Variants in LRRC39 observed in about 807,000 individuals in gnomAD.
The protein encoded by LRRC39 is leucine-rich repeat-containing protein 39.
In LRRC39, 35 loss-of-function variants were observed where a neutral mutation model predicts 39.7. The observed-to-expected ratio is 0.88, with a 90% CI of 0.67 to 1.17. The LOEUF (loss-of-function observed/expected upper bound fraction) is 1.17, where lower values mean the gene tolerates loss of function less well. Among genes scored for constraint, LRRC39 ranks in the 50% most tolerant of loss-of-function variants. LRRC39 has a pLI of 0.00. For missense variants in LRRC39, 357 were observed against 385.8 expected, an observed-to-expected ratio of 0.93 and a Z score of 0.62; for synonymous variants, 113 against 134.1, an observed-to-expected ratio of 0.84 and a Z score of 1.09.
rs192343879 is a variant in LRRC39, at chr1:100,163,546, C to A, written c.114-2975G>T. On this transcript the variant is annotated intron_variant, in intron 3 of 9. Transcript: ENST00000370137. ...ATGTGAGGTTATAATTAAATGATAT[C>A]TATGTATTTTCCAGCTTAAATATTC... Among the ~76,000 whole-genome samples the A allele has an allele frequency of 8.4e-3, 1,260 of 149,806 alleles. 10 individuals are homozygous for A. The highest frequency in any genetic ancestry group is 0.013 in the Non-Finnish European group (898 of 67,712).
intron 1 of LRRC39, among the ~76,000 whole-genome samples, chr1:100,173,986 A>G (rs1450326858): frequency 6.6e-6 from 1 of 152,210 alleles, no homozygotes; most frequent in East Asian, 1.9e-4. Context: ...GAAAGACTCA[A>G]TCTGTAAAAA....
chr1:100,152,196 A>G (rs961512152), intron 9 of LRRC39, among the ~76,000 whole-genome samples, 189 bp downstream of exon 9: 10 of 152,216 alleles, frequency 6.6e-5, no homozygotes, highest in African/African-American at 2.4e-4. Flanking sequence ...GACTTTGAAT[A>G]TCTTTAAAAC....
chr1:100,161,833 G>A (rs1403872609), intron 3 of LRRC39, among the ~76,000 whole-genome samples: 1 of 152,074 alleles, frequency 6.6e-6, no homozygotes, highest in Non-Finnish European at 1.5e-5. Flanking sequence ...TGTTTGTGGA[G>A]ACAGGGTTTT....
chr1:100,153,520 A>G (rs1658213810), intron 8 of LRRC39, among the ~76,000 whole-genome samples: 1 of 152,202 alleles, frequency 6.6e-6, no homozygotes, highest in African/African-American at 2.4e-5. Context: ...AACCTATAGA[A>G]TGGGAGAAAA....
At position 100,160,580 on chromosome 1, in the gene LRRC39, C is replaced by T; in HGVS notation, c.114-9G>A. The T allele has an allele frequency of 6.3e-7, 1 of 1,593,510 alleles. No individual in the cohort carries two copies. The highest frequency in any genetic ancestry group is 8.5e-7 in the Non-Finnish European group (1 of 1,170,052). Reference sequence around the variant, plus strand: ...CCCAGATCCGCACTAGCCTAGGAAACCAGGAAATCATTTTAGTTCATAGAC... The same window carrying T: ...CCCAGATCCGCACTAGCCTAGGAAATCAGGAAATCATTTTAGTTCATAGAC... On this transcript the variant is annotated splice_polypyrimidine_tract_variant and intron_variant, in intron 3 of 9. Transcript: ENST00000370137.
At chr1:100,170,141 A>G (rs1195017411) in intron 2 of LRRC39, among the ~76,000 whole-genome samples, 1 of 152,254 alleles carries the variant, frequency 6.6e-6, no homozygotes, top group African/African-American at 2.4e-5. Flanking sequence ...ACTCCTAAGT[A>G]TATAGAAACA....
chr1:100,175,217 G>A (rs1350524307), intron 1 of LRRC39, among the ~76,000 whole-genome samples: 4 of 151,736 alleles, frequency 2.6e-5, no homozygotes, highest in Non-Finnish European at 4.4e-5. Context: ...TTGTTTTTTT[G>A]AGACAGGCTT....
chr1:100,169,517 G>T (rs56048691), intron 2 of LRRC39, among the ~76,000 whole-genome samples: 6 of 151,854 alleles, frequency 4.0e-5, no homozygotes, highest in African/African-American at 1.2e-4. Context: ...GAAGTTATTC[G>T]CAGTGTTTTT....
chr1:100,150,838 C>T (rs1657925599), intron 9 of LRRC39, among the ~76,000 whole-genome samples: 1 of 152,072 alleles, frequency 6.6e-6, no homozygotes, highest in African/African-American at 2.4e-5. Context: ...ATCAAATTTA[C>T]TGCTAAGGGC....
At position 100,148,900 on chromosome 1, in the gene LRRC39, C is replaced by A; in HGVS notation, c.*142G>T. ...TATTTTTATATCAAAAAAATATATA[C>A]TTTAAATAGCAAATAATATGAACTT... On this transcript the variant is annotated 3_prime_UTR_variant, in exon 10 of 10. Coordinates refer to ENST00000370137, the MANE Select transcript of LRRC39 (RefSeq NM_144620.4). The A allele has an allele frequency of 9.0e-7, 1 of 1,111,524 alleles. No individual in the cohort carries two copies. The highest frequency in any genetic ancestry group is 3.0e-5 in the South Asian group (1 of 32,826). 68.9% of individuals were successfully genotyped at this position (1,111,524 alleles called of 1,614,324 possible). A position where few individuals can be genotyped will look rare whatever the true frequency, so the allele number is the denominator to read the frequency against.
At chr1:100,151,532 T>A (rs1423060530) in intron 9 of LRRC39, among the ~76,000 whole-genome samples, 1 of 152,226 alleles carries the variant, frequency 6.6e-6, no homozygotes, top group African/African-American at 2.4e-5. Context: ...TTCTCAGTTA[T>A]ATTCATTTTT....
chr1:100,161,897 T>C (rs1367024443), intron 3 of LRRC39, among the ~76,000 whole-genome samples: 1 of 152,174 alleles, frequency 6.6e-6, no homozygotes, highest in Non-Finnish European at 1.5e-5. Flanking sequence ...CCCGCCTGCC[T>C]TGGCCACCCA....
chr1:100,165,176 C>G (rs1449835977), intron 3 of LRRC39, among the ~76,000 whole-genome samples: 2 of 152,126 alleles, frequency 1.3e-5, no homozygotes, highest in African/African-American at 4.8e-5. Flanking sequence ...CTTTGAAAAA[C>G]TACATTACAC....
intron 2 of LRRC39, among the ~76,000 whole-genome samples, chr1:100,169,462 C>T (rs763167635): frequency 1.3e-5 from 2 of 152,064 alleles, no homozygotes; most frequent in Non-Finnish European, 2.9e-5. Context: ...TTACTAAACT[C>T]ACTAATGCTC....
At chr1:100,160,785 C>T (rs1280048431) in intron 3 of LRRC39, among the ~76,000 whole-genome samples, 4 of 151,970 alleles carry the variant, frequency 2.6e-5, no homozygotes, top group Non-Finnish European at 5.9e-5. Context: ...CCACCACACC[C>T]GGCTAATTTT....
chr1:100,155,163 T>C lies in LRRC39; in HGVS notation c.700A>G (p.Ile234Val), dbSNP rs777499077. ...LHTLWLQRNE[I>V]TCLPQTISNM... ...CTGATTGTTTGAGGCAAGCATGTTA[T>C]TTCATTTCGTTGCAGCCATAACGTA... The change falls in exon 8 of 10, where the codon ATA becomes GTA. Residue 234 changes from isoleucine to valine, a missense_variant. Ile to Val is a conservative substitution (Grantham distance 29, BLOSUM62 3). Coordinates refer to ENST00000370137, the MANE Select transcript of LRRC39 (RefSeq NM_144620.4). 1.8e-4 allele frequency: 284 copies of C among 1,610,244 alleles called. No individual in the cohort carries two copies. The highest frequency in any genetic ancestry group is 2.3e-4 in the Non-Finnish European group (272 of 1,178,718).
Position 100,155,168 on chromosome 1 carries a change from T to C in LRRC39, c.695A>G (p.Asn232Ser). 1.9e-6 allele frequency: 3 copies of C among 1,610,300 alleles called. No homozygotes were observed. Among genetic ancestry groups the C allele is most frequent in the South Asian group, 1.1e-5 (1 of 90,076 alleles). ...QNLHTLWLQR[N>S]EITCLPQTIS... is the part of the protein sequence containing the mutation. ...TGTTTGAGGCAAGCATGTTATTTCA[T>C]TTCGTTGCAGCCATAACGTATGTAG... Residue 232 changes from asparagine (N) to serine (S), a missense_variant, in exon 8 of 10, where the codon AAT becomes AGT. By Grantham distance (46) the Asn-to-Ser change is conservative. Transcript: ENST00000370137.
upstream of LRRC39, among the ~76,000 whole-genome samples, chr1:100,179,079 A>G (rs928536730): frequency 2.6e-5 from 4 of 152,206 alleles, no homozygotes; most frequent in African/African-American, 9.6e-5. Context: ...ACTGTTTCAT[A>G]TTAGTATATT....
intron 3 of LRRC39, among the ~76,000 whole-genome samples, chr1:100,161,455 T>C (rs1414255982): frequency 6.6e-6 from 1 of 152,202 alleles, no homozygotes; most frequent in Non-Finnish European, 1.5e-5. Context: ...GCAGAATGAT[T>C]CCACTGTATG....
Sources: allele counts gnomAD v4.1 joint callset (sites outside exome capture counted in the v4.1 genomes callset), GRCh38; gene constraint gnomAD v4.1.1; transcripts MANE v1.5; gene names NCBI Gene and HGNC (gene_info 2026-07-23, HGNC 2026-07-21).